MGST2: variants seen among roughly 807,000 people sequenced by gnomAD.
MGST2 encodes glutathione peroxidase MGST2.
MGST2 carries 9 observed loss-of-function variants against 16.6 expected under a neutral mutation model. That is an observed-to-expected ratio of 0.54 (90% CI 0.33 to 0.95). The LOEUF is 0.95. Ranked by LOEUF, MGST2 falls within the 40% of genes least tolerant of loss-of-function variation. MGST2 has a pLI of 0.03. For synonymous variants in MGST2, 79 were observed against 68.0 expected, an observed-to-expected ratio of 1.16 and a Z score of -0.79; for missense variants, 159 against 175.1, an observed-to-expected ratio of 0.91 and a Z score of 0.52.
At chr4:139,674,584 A>G (rs1169074949) in intron 1 of MGST2, among the ~76,000 whole-genome samples, 2 of 151,938 alleles carry the variant, frequency 1.3e-5, no homozygotes, top group South Asian at 2.1e-4. Context: ...GTTCAAGACC[A>G]GCCTGGCCAA....
chr4:139,719,999 C>G, intron 5 of MGST2: 1 of 1,614,094 alleles, frequency 6.2e-7, no homozygotes, highest in Non-Finnish European at 8.5e-7. Context: ...CTGACCAAAG[C>G]CACTCACCAT....
intron 1 of MGST2, among the ~76,000 whole-genome samples, chr4:139,671,604 C>A (rs1579286610): frequency 2.0e-5 from 3 of 151,992 alleles, no homozygotes; most frequent in Non-Finnish European, 2.9e-5. Context: ...GTAGCTGGGA[C>A]TACAGGTGCG....
Position 139,735,123 on chromosome 4 carries a change from C to T in MGST2, c.*49-5089C>T, listed in dbSNP as rs997464973. On this transcript the variant is annotated intron_variant, in intron 5 of 5. Coordinates refer to the MGST2 transcript ENST00000616265. The surrounding 1 kb of genome is among the most constrained non-coding windows in gnomAD (Gnocchi z 5.8). Reference sequence around the variant, plus strand: ...CGAGCGCTGCGAACGTGGAGCCAGGCAGTCAAGTGTTACTGCGTACAGCAG... The same window carrying T: ...CGAGCGCTGCGAACGTGGAGCCAGGTAGTCAAGTGTTACTGCGTACAGCAG... 6.6e-6 allele frequency among the ~76,000 whole-genome samples: 1 copy of T among 152,214 alleles called. No individual in the cohort carries two copies. Among genetic ancestry groups the T allele is most frequent in the African/African-American group, 2.4e-5 (1 of 41,452 alleles).
At chr4:139,670,258 C>CGG (rs781318130) in intron 1 of MGST2, among the ~76,000 whole-genome samples, 61 of 98,214 alleles carry the variant, frequency 6.2e-4, no homozygotes, top group Middle Eastern at 0.01. Context: ...CGGTGGGGGG[C>CGG]GGGGGGGGGG....
chr4:139,701,492 C>T (rs1306156388), intron 3 of MGST2, among the ~76,000 whole-genome samples: 1 of 152,184 alleles, frequency 6.6e-6, no homozygotes, highest in Non-Finnish European at 1.5e-5. Context: ...GCAACCTCCT[C>T]CAGTTCCTCT....
chr4:139,685,274 G>A (rs1190497630), intron 2 of MGST2: 7 of 155,412 alleles, frequency 4.5e-5, no homozygotes. Context: ...TATGGAGGAT[G>A]GTCGTCCTCT....
intron 5 of MGST2, chr4:139,719,348 A>G: frequency 6.3e-7 from 1 of 1,598,458 alleles, no homozygotes; most frequent in Non-Finnish European, 8.5e-7. Context: ...CAATTCATCA[A>G]GCTCCTGCAT....
Position 139,666,055 on chromosome 4 carries a change from T to C in MGST2, c.36T>C (p.Ser12=), listed in dbSNP as rs1213656356. ...AGNSILLAAV[S]ILSACQQSYF... ...ACTCGATCCTGCTGGCTGCTGTCTC[T>C]ATTCTCTCGGCCTGTCAGCAAAGTA... Residue 12 remains serine, a synonymous_variant, in exon 1 of 5, where the codon TCT becomes TCC. Transcript: ENST00000265498. 4 of 1,613,956 alleles carry C rather than the reference T, an allele frequency of 2.5e-6. No homozygotes were observed. In the South Asian group the frequency reaches 3.3e-5, roughly 13 times the overall value.
At chr4:139,733,845 C>T (rs1728821532) in intron 5 of MGST2, among the ~76,000 whole-genome samples, 1 of 152,140 alleles carries the variant, frequency 6.6e-6, no homozygotes, top group Non-Finnish European at 1.5e-5. Flanking sequence ...AGCCACCATG[C>T]CCTGCTAATT....
At chr4:139,701,545 T>C (rs1727250348) in intron 3 of MGST2, among the ~76,000 whole-genome samples, 1 of 152,226 alleles carries the variant, frequency 6.6e-6, no homozygotes, top group Non-Finnish European at 1.5e-5. Context: ...CTTTCAAGTT[T>C]GCACTTTTCT....
intron 5 of MGST2, among the ~76,000 whole-genome samples, chr4:139,734,207 G>A (rs1728837558): frequency 6.6e-6 from 1 of 152,160 alleles, no homozygotes; most frequent in South Asian, 2.1e-4. Context: ...CAGTCTCAGA[G>A]GGCTTAATGA....
At chr4:139,713,519 C>T in intron 5 of MGST2, among the ~76,000 whole-genome samples, 1 of 142,840 alleles carries the variant, frequency 7.0e-6, no homozygotes. Context: ...ATTCAGTTGA[C>T]TGAGAAGAAA....
intron 2 of MGST2, chr4:139,685,496 T>C (rs1406602957): frequency 6.6e-6 from 1 of 152,232 alleles, no homozygotes; most frequent in African/African-American, 2.4e-5. Context: ...TTTTTTTCTT[T>C]AACTAGCATT....
At chr4:139,727,654 G>C (rs559464590) in intron 5 of MGST2, among the ~76,000 whole-genome samples, 3 of 152,316 alleles carry the variant, frequency 2.0e-5, no homozygotes, top group Non-Finnish European at 2.9e-5. Flanking sequence ...GAATGGATGA[G>C]AGGTTATGTG....
Position 139,665,915 on chromosome 4 carries a change from C to G in MGST2, c.-105C>G, listed in dbSNP as rs1730305501. ...AGCCGCTTGAATCAGCCTTTTCCCC[C>G]CACCCGGTCCCCAACTTTGTTTACC... On this transcript the variant is annotated 5_prime_UTR_variant, in exon 1 of 5. Transcript: ENST00000265498. The G allele has an allele frequency of 1.5e-5, 17 of 1,161,354 alleles. No individual in the cohort carries two copies. Among genetic ancestry groups the G allele is most frequent in the Non-Finnish European group, 2.2e-5 (17 of 781,784 alleles). 71.9% of individuals were successfully genotyped at this position (1,161,354 alleles called of 1,614,324 possible). A position where few individuals can be genotyped will look rare whatever the true frequency, so the allele number is the denominator to read the frequency against.
chr4:139,719,672 G>C (rs754523177), intron 5 of MGST2: 11 of 1,613,306 alleles, frequency 6.8e-6, no homozygotes, highest in African/African-American at 1.3e-5. Flanking sequence ...CATGGCAGCT[G>C]GGTTGAGGGT....
intron 5 of MGST2, among the ~76,000 whole-genome samples, chr4:139,716,549 G>A (rs11944843): frequency 0.17 from 23,943 of 142,352 alleles, 1,929 homozygotes; most frequent in Middle Eastern, 0.21. Flanking sequence ...TTCAGAGTGC[G>A]GCAGTAAATT....
chr4:139,733,740 A>G (rs180903861), intron 5 of MGST2, among the ~76,000 whole-genome samples: 173 of 152,252 alleles, frequency 1.1e-3, no homozygotes, highest in African/African-American at 4.0e-3. Flanking sequence ...GCTGGGGTGC[A>G]GTGGTATGAT....
At chr4:139,744,601 C>G (rs1447490589), downstream of MGST2, among the ~76,000 whole-genome samples, 1 of 152,176 alleles carries the variant, frequency 6.6e-6, no homozygotes, top group Non-Finnish European at 1.5e-5. Flanking sequence ...ATGCATCCCA[C>G]TTTTTGAAAA....
Sources: allele counts gnomAD v4.1 joint callset (sites outside exome capture counted in the v4.1 genomes callset), GRCh38; gene constraint gnomAD v4.1.1; non-coding constraint Gnocchi (gnomAD v3.1); transcripts MANE v1.5; gene names NCBI Gene and HGNC (gene_info 2026-07-23, HGNC 2026-07-21).